Variants in ANK2 observed in about 807,000 individuals in gnomAD.
ANK2 encodes the protein ankyrin 2.
A neutral mutation model predicts 360.5 loss-of-function variants in ANK2; 83 were observed. That is an observed-to-expected ratio of 0.23 (90% CI 0.19 to 0.28). The LOEUF (loss-of-function observed/expected upper bound fraction) is 0.28. Ranked by LOEUF, ANK2 falls within the 10% of genes least tolerant of loss-of-function variation. The probability of loss-of-function intolerance (pLI) is 1.00; values close to 1 mark genes in which losing one functional copy is unlikely to be tolerated. For missense variants in ANK2, 4,201 were observed against 4,795.7 expected (o/e 0.88, Z 3.66); for synonymous variants, 1,740 against 1,759.5 (o/e 0.99, Z 0.28).
chr4:113,248,087 G>T (rs753257934), intron 9 of ANK2, among the ~76,000 whole-genome samples: 1 of 152,056 alleles, frequency 6.6e-6, no homozygotes, highest in Non-Finnish European at 1.5e-5. Context: ...CTAATTCTTA[G>T]GTACCCAAAA....
intron 45 of ANK2, among the ~76,000 whole-genome samples, chr4:113,375,105 G>GTTTGAATAAC (rs1407465104): frequency 6.6e-6 from 1 of 152,194 alleles, no homozygotes; most frequent in Non-Finnish European, 1.5e-5. Flanking sequence ...AACTTGCAGA[G>GTTTGAATAAC]TAACGTTTCC....
chr4:113,287,469 A>T, intron 18 of ANK2, 136 bp from the exon 19 acceptor site: 1 of 734,660 alleles, frequency 1.4e-6, no homozygotes, highest in Admixed American at 2.1e-5. Context: ...TGAATATCAG[A>T]AGATATAGTT....
intron 2 of ANK2, among the ~76,000 whole-genome samples, chr4:113,000,874 G>A (rs765134205): frequency 3.4e-5 from 5 of 146,390 alleles, no homozygotes; most frequent in Non-Finnish European, 7.5e-5. Context: ...TCACTGGGAA[G>A]GAGATTATCA....
intron 2 of ANK2, among the ~76,000 whole-genome samples, chr4:113,022,367 C>T (rs1469460671): frequency 6.6e-6 from 1 of 152,124 alleles, no homozygotes; most frequent in African/African-American, 2.4e-5. Flanking sequence ...ATTTGGTACG[C>T]AATTCCAGGA....
intron 43 of ANK2, chr4:113,372,608 C>T (rs752443121): frequency 2.3e-5 from 35 of 1,535,588 alleles, no homozygotes; most frequent in East Asian, 4.9e-5. Flanking sequence ...GGTTGTCCGC[C>T]GGCGAGTGAT....
intron 2 of ANK2, among the ~76,000 whole-genome samples, chr4:113,190,292 G>A (rs896458267): frequency 7.9e-5 from 12 of 151,962 alleles, no homozygotes; most frequent in African/African-American, 2.7e-4. Context: ...TTCATTTTTT[G>A]TAGAGACAGG....
chr4:113,165,058 A>T (rs190338345), intron 1 of ANK2, among the ~76,000 whole-genome samples: 118 of 152,160 alleles, frequency 7.8e-4, no homozygotes, highest in African/African-American at 2.6e-3. Context: ...ATTCCTTTGG[A>T]TATTTGTGTA....
chr4:113,288,560 C>A, intron 20 of ANK2, 74 bp downstream of exon 20: 3 of 1,238,454 alleles, frequency 2.4e-6, no homozygotes, highest in Non-Finnish European at 1.2e-6. Flanking sequence ...ACTAGTTTAC[C>A]AAAGCTACAA....
At chr4:112,907,493 T>C (rs889611489) in intron 2 of ANK2, among the ~76,000 whole-genome samples, 1 of 152,188 alleles carries the variant, frequency 6.6e-6, no homozygotes, top group Admixed American at 6.5e-5. Flanking sequence ...TCCCTCTTCT[T>C]TCCCCTCCTC....
At chr4:113,219,591 A>G (rs938554867) in intron 4 of ANK2, among the ~76,000 whole-genome samples, 1 of 152,092 alleles carries the variant, frequency 6.6e-6, no homozygotes, top group African/African-American at 2.4e-5. Context: ...AAATCTCATC[A>G]CTTGCAAGAG....
intron 1 of ANK2, among the ~76,000 whole-genome samples, chr4:112,848,679 G>T (rs1195927714): frequency 6.6e-6 from 1 of 151,860 alleles, no homozygotes; most frequent in African/African-American, 2.4e-5. Flanking sequence ...TATGTTTTTG[G>T]TTGTCTCACC....
chr4:112,833,284 T>A (rs1158699494), intron 1 of ANK2, among the ~76,000 whole-genome samples: 1 of 152,218 alleles, frequency 6.6e-6, no homozygotes, highest in Non-Finnish European at 1.5e-5. Context: ...CCATAGTAGC[T>A]CTAAAATCTA....
chr4:113,056,179 A>T (rs1229438189), intron 1 of ANK2, among the ~76,000 whole-genome samples: 1 of 152,212 alleles, frequency 6.6e-6, no homozygotes, highest in Non-Finnish European at 1.5e-5. Flanking sequence ...CATGTGGCTT[A>T]GGCATGTTAA....
At chr4:113,289,079 T>G (rs1382074293) in intron 20 of ANK2, among the ~76,000 whole-genome samples, 1 of 152,192 alleles carries the variant, frequency 6.6e-6, no homozygotes, top group Non-Finnish European at 1.5e-5. Context: ...GCACTCAATG[T>G]GGTTCAAGGT....
rs112086259 is a variant in ANK2 at position 113,240,591 on chromosome 4, T to G, written c.792+8T>G. On this transcript the variant is annotated splice_region_variant and intron_variant, in intron 8 of 45. Transcript: ENST00000357077. The stretch of plus-strand genomic sequence containing the variant: ...GTGGACTTCACAGCCAGGGTATGGA[T>G]TGAAATAGTTTCTCATTCTAGATAG... 49 of 1,597,036 alleles carry G rather than the reference T, an allele frequency of 3.1e-5. 2 individuals carry two copies. In the African/African-American group the frequency reaches 5.8e-4, roughly 19 times the overall value.
chr4:113,173,193 T>C lies in ANK2; in HGVS notation c.85-1223T>C, dbSNP rs567436098. ...AAAGTGAGGTAACTTAGTTCTATGG[T>C]TTTCAGTCTTTCCATGTGTAAATCA... On this transcript the variant is annotated intron_variant, in intron 1 of 45. Coordinates refer to ENST00000357077, the MANE Select transcript of ANK2 (RefSeq NM_001148.6). Among the ~76,000 whole-genome samples, 10 of 152,300 alleles carry C rather than the reference T, an allele frequency of 6.6e-5. No homozygotes were observed. In the South Asian group the frequency reaches 2.1e-3, roughly 32 times the overall value.
At chr4:113,178,357 A>G (rs2153231751) in intron 2 of ANK2, among the ~76,000 whole-genome samples, 1 of 152,152 alleles carries the variant, frequency 6.6e-6, no homozygotes, top group Non-Finnish European at 1.5e-5. Context: ...ATTGCCTGAG[A>G]TCAGGAGTTC....
At chr4:112,937,600 T>C (rs1040245309) in intron 2 of ANK2, among the ~76,000 whole-genome samples, 3 of 152,218 alleles carry the variant, frequency 2.0e-5, no homozygotes, top group African/African-American at 7.2e-5. Flanking sequence ...AGTGCTGATA[T>C]TACAGGCGTG....
chr4:112,783,840 G>A, the ANK2 span, among the ~76,000 whole-genome samples: 1 of 151,772 alleles, frequency 6.6e-6, no homozygotes, highest in Admixed American at 6.6e-5. Context: ...TAGTAGAGAC[G>A]GGGTTTCACC....
Sources: allele counts gnomAD v4.1 joint callset (sites outside exome capture counted in the v4.1 genomes callset), GRCh38; gene constraint gnomAD v4.1.1; transcripts MANE v1.5; gene names NCBI Gene and HGNC (gene_info 2026-07-23, HGNC 2026-07-21).